Variants in TMEM217B observed in about 807,000 individuals in gnomAD.
TMEM217B encodes transmembrane protein 217B.
At chr6:37,257,817 G>T in the TMEM217B span, 1 of 1,338,068 alleles carries the variant, frequency 7.5e-7, no homozygotes, top group Non-Finnish European at 1.0e-6. Context: ...GTGACCGGCG[G>T]CGGGGAAGCG....
chr6:37,235,760 C>T, the TMEM217B span, among the ~76,000 whole-genome samples: 26 of 152,306 alleles, frequency 1.7e-4, no homozygotes, highest in South Asian at 2.1e-3. Flanking sequence ...TCCAAGATGA[C>T]GCCTTGTTGC....
the TMEM217B span, chr6:37,257,634 C>T: frequency 2.3e-6 from 1 of 443,888 alleles, no homozygotes; most frequent in Non-Finnish European, 4.0e-6. Context: ...GCTCCGCCTT[C>T]CCCGTCCACC....
the TMEM217B span, among the ~76,000 whole-genome samples, chr6:37,251,755 T>C: frequency 8.5e-5 from 13 of 152,218 alleles, no homozygotes; most frequent in Non-Finnish European, 1.5e-4. Context: ...ACTTTAATTA[T>C]ATTTTAAGAT....
the TMEM217B span, chr6:37,215,186 T>C: frequency 3.1e-6 from 5 of 1,613,076 alleles, no homozygotes; most frequent in Non-Finnish European, 3.4e-6. Flanking sequence ...ATTCTATTCA[T>C]TCAATACTCA....
chr6:37,217,723 C>G, the TMEM217B span: 1 of 985,198 alleles, frequency 1.0e-6, no homozygotes, highest in African/African-American at 1.7e-5. Flanking sequence ...CAAACCCACC[C>G]CAGGGCCAAC....
At chr6:37,236,221 A>G in the TMEM217B span, among the ~76,000 whole-genome samples, 3 of 152,028 alleles carry the variant, frequency 2.0e-5, no homozygotes, top group African/African-American at 2.4e-5. Flanking sequence ...TCCTGGGCTC[A>G]AGTGATTCTC....
the TMEM217B span, among the ~76,000 whole-genome samples, chr6:37,252,750 C>G: frequency 6.6e-6 from 1 of 150,950 alleles, no homozygotes; most frequent in Non-Finnish European, 1.5e-5. Flanking sequence ...AGTGATCCTC[C>G]CACCTCAGCC....
At chr6:37,233,135 C>T in the TMEM217B span, among the ~76,000 whole-genome samples, 3 of 152,176 alleles carry the variant, frequency 2.0e-5, no homozygotes, top group East Asian at 3.8e-4. Context: ...TCAAACTTAG[C>T]TTGTGCCAAA....
the TMEM217B span, among the ~76,000 whole-genome samples, chr6:37,241,099 CT>C: frequency 3.7e-3 from 490 of 132,852 alleles, 1 homozygote; most frequent in Middle Eastern, 0.016. Flanking sequence ...AAGTATTACT[CT>C]TTTTTTTTTT....
the TMEM217B span, among the ~76,000 whole-genome samples, chr6:37,228,321 T>A: frequency 6.6e-6 from 1 of 152,244 alleles, no homozygotes; most frequent in African/African-American, 2.4e-5. Flanking sequence ...GTATTTGAAT[T>A]CAAATTTCCT....
chr6:37,215,286 G>C, the TMEM217B span: 1 of 1,609,776 alleles, frequency 6.2e-7, no homozygotes, highest in Non-Finnish European at 8.5e-7. Flanking sequence ...GTGGAAGCTA[G>C]ACAAATAAAA....
chr6:37,238,479 C>A, the TMEM217B span, among the ~76,000 whole-genome samples: 1 of 152,140 alleles, frequency 6.6e-6, no homozygotes, highest in Non-Finnish European at 1.5e-5. Flanking sequence ...TGAGCCCAGA[C>A]CCAGGCAAAA....
At chr6:37,229,492 G>A in the TMEM217B span, among the ~76,000 whole-genome samples, 1 of 151,762 alleles carries the variant, frequency 6.6e-6, no homozygotes, top group South Asian at 2.1e-4. Context: ...ACAGGCGCCC[G>A]CCACCACGCC....
At chr6:37,234,761 C>T in the TMEM217B span, among the ~76,000 whole-genome samples, 1 of 151,488 alleles carries the variant, frequency 6.6e-6, no homozygotes, top group Admixed American at 6.6e-5. Context: ...AAATAAATAT[C>T]GGTATACACA....
chr6:37,223,423 C>T, the TMEM217B span, among the ~76,000 whole-genome samples: 1 of 152,194 alleles, frequency 6.6e-6, no homozygotes, highest in Non-Finnish European at 1.5e-5. Context: ...AAACAAAAAT[C>T]CCATGGAATA....
chr6:37,212,699 T>C, the TMEM217B span: 3 of 630,988 alleles, frequency 4.8e-6, no homozygotes, highest in Non-Finnish European at 8.9e-6. Flanking sequence ...ATGATCCACA[T>C]GGCATAGATC....
At chr6:37,243,997 T>C in the TMEM217B span, among the ~76,000 whole-genome samples, 1 of 152,216 alleles carries the variant, frequency 6.6e-6, no homozygotes, top group African/African-American at 2.4e-5. Context: ...GGTTCTACAG[T>C]AGTGATGTTA....
the TMEM217B span, chr6:37,212,348 AG>A: frequency 2.8e-6 from 1 of 358,606 alleles, no homozygotes; most frequent in East Asian, 7.4e-5. Context: ...GAAGACAGGC[AG>A]GGTAGGGAGG....
chr6:37,230,456 T>C, the TMEM217B span, among the ~76,000 whole-genome samples: 2 of 152,142 alleles, frequency 1.3e-5, no homozygotes, highest in Non-Finnish European at 2.9e-5. Context: ...TGACTGTATT[T>C]AGAGAGAGGG....
Sources: allele counts gnomAD v4.1 joint callset (sites outside exome capture counted in the v4.1 genomes callset), GRCh38; gene constraint gnomAD v4.1.1; transcripts MANE v1.5; gene names NCBI Gene and HGNC (gene_info 2026-07-23, HGNC 2026-07-21).